PPP5C: variants seen among roughly 807,000 people sequenced by gnomAD.
PPP5C encodes serine/threonine-protein phosphatase 5.
Under a neutral mutation model 66.7 loss-of-function variants are expected in PPP5C, and 21 were observed. That is an observed-to-expected ratio of 0.31 (90% CI 0.22 to 0.45). PPP5C has a LOEUF of 0.45. Among genes scored for constraint, PPP5C ranks in the 20% least tolerant of loss-of-function variants. The pLI, the probability that PPP5C is intolerant of heterozygous loss-of-function variation, is 1.00. For synonymous variants in PPP5C, 246 were observed against 257.4 expected, an observed-to-expected ratio of 0.96 and a Z score of 0.43; for missense variants, 464 against 675.9, an observed-to-expected ratio of 0.69 and a Z score of 3.48.
At chr19:46,367,090 A>G (rs548744772) in intron 2 of PPP5C, among the ~76,000 whole-genome samples, 1 of 152,322 alleles carries the variant, frequency 6.6e-6, no homozygotes, top group African/African-American at 2.4e-5. Flanking sequence ...TATTTTTATC[A>G]GCAGGCTATA....
rs1334691407 is a variant in PPP5C at position 46,390,370 on chromosome 19, TCCCAGGGCCCCTCCAATCCCACCGGA to T, written c.*31_*56del. On this transcript the variant is annotated 3_prime_UTR_variant, in exon 13 of 13. Coordinates refer to ENST00000012443, the MANE Select transcript of PPP5C (RefSeq NM_006247.4). ...GAGGTGACGGGCGGGGCGGCCTGCA[TCCCAGGGCCCCTCCAATCCCACCGGA>T]CCCAGGCCCTGGGCTAGGGGCAGAG... The T allele has an allele frequency of 2.6e-6, 4 of 1,558,332 alleles. No individual in the cohort carries two copies. In the African/African-American group the frequency reaches 5.4e-5, roughly 21 times the overall value.
Position 46,390,341 on chromosome 19 carries a change from A to G in PPP5C, c.1495A>G (p.Met499Val). 6.3e-7 allele frequency: 1 copy of G among 1,576,200 alleles called. No individual in the cohort carries two copies. The highest frequency in any genetic ancestry group is 8.6e-7 in the Non-Finnish European group (1 of 1,160,968). The change falls in exon 13 of 13, where the codon ATG becomes GTG. Residue 499 changes from methionine to valine, a missense_variant. Met to Val is a conservative substitution (Grantham distance 21). Coordinates refer to ENST00000012443, the MANE Select transcript of PPP5C (RefSeq NM_006247.4). ...YANTLLQLGM[M>V] Reference sequence around the variant, plus strand: ...CAACACGCTGCTGCAGCTAGGAATGATGTGAGGTGACGGGCGGGGCGGCCT... The same window carrying G: ...CAACACGCTGCTGCAGCTAGGAATGGTGTGAGGTGACGGGCGGGGCGGCCT...
At position 46,388,277 on chromosome 19, in the gene PPP5C, G is replaced by A; in HGVS notation, c.1136-131G>A. 1 of 948,630 alleles carries A rather than the reference G, an allele frequency of 1.1e-6. No homozygotes were observed. The highest frequency in any genetic ancestry group is 1.8e-5 in the South Asian group (1 of 54,106). 58.8% of individuals were successfully genotyped at this position (948,630 alleles called of 1,614,324 possible). On this transcript the variant is annotated intron_variant, in intron 9 of 12. Transcript: ENST00000012443. The surrounding 1 kb of genome is among the most constrained non-coding windows in gnomAD (Gnocchi z 4.9). ...GTCCTGAATGTCCATGTCCATGCTGGATGTCCCCTGCCCAACACCCACCCA... is the reference window on the plus strand; with the variant it reads ...GTCCTGAATGTCCATGTCCATGCTGAATGTCCCCTGCCCAACACCCACCCA...
Position 46,375,656 on chromosome 19 carries a change from G to T in PPP5C, c.416G>T (p.Cys139Phe). 6.2e-7 allele frequency: 1 copy of T among 1,614,040 alleles called. No homozygotes were observed. Reference sequence around the variant, plus strand: ...GATGCCAAAATGAAATACCAGGAGTGCAACAAGATCGTGAAGCAGAAGGCC... The same window carrying T: ...GATGCCAAAATGAAATACCAGGAGTTCAACAAGATCGTGAAGCAGAAGGCC... ...DKDAKMKYQE[C>F]NKIVKQKAFE... Residue 139 changes from cysteine to phenylalanine, a missense_variant, in exon 3 of 13, where the codon TGC (cysteine) becomes TTC (phenylalanine). By Grantham distance (205) the Cys-to-Phe change is radical (BLOSUM62 -2). This residue lies in a region of PPP5C where 387 missense variants were observed against 626.0 expected (regional missense o/e 0.62). Coordinates refer to ENST00000012443, the MANE Select transcript of PPP5C (RefSeq NM_006247.4).
chr19:46,371,589 C>T (rs1156507979), intron 2 of PPP5C, among the ~76,000 whole-genome samples: 1 of 152,146 alleles, frequency 6.6e-6, no homozygotes, highest in African/African-American at 2.4e-5. Context: ...GCAGGGCAGG[C>T]GCAGCGGGTC....
At position 46,390,820 on chromosome 19, in the gene PPP5C, AAT is replaced by A. The variant is rs1210493093; in HGVS notation, c.*477_*478del. The A allele has an allele frequency of 1.8e-6, 2 of 1,124,850 alleles. No individual in the cohort carries two copies. Among genetic ancestry groups the A allele is most frequent in the Non-Finnish European group, 2.2e-6 (2 of 907,026 alleles). The allele number at this position is 1,124,850 out of a possible 1,614,324, so 69.7% of individuals were successfully genotyped here. On this transcript the variant is annotated 3_prime_UTR_variant, in exon 13 of 13. Transcript: ENST00000012443. ...CCCAGCTATTTTATGTCTGTAATTA[AAT>A]ATGTTAAAATAAAGTCATTATCGGA...
At chr19:46,362,400 C>G (rs1007205188) in intron 2 of PPP5C, among the ~76,000 whole-genome samples, 1 of 152,108 alleles carries the variant, frequency 6.6e-6, no homozygotes, top group Non-Finnish European at 1.5e-5. Flanking sequence ...TAGTTACTGT[C>G]TTAGCATCAT....
At chr19:46,352,037 T>C (rs1174362189) in intron 1 of PPP5C, among the ~76,000 whole-genome samples, 1 of 152,182 alleles carries the variant, frequency 6.6e-6, no homozygotes, top group Non-Finnish European at 1.5e-5. Context: ...TCCTCATCTC[T>C]CTCTGCATCC....
At chr19:46,363,510 A>G (rs1015303736) in intron 2 of PPP5C, among the ~76,000 whole-genome samples, 8 of 151,098 alleles carry the variant, frequency 5.3e-5, no homozygotes, top group Non-Finnish European at 1.0e-4. Context: ...GCTCACTGCA[A>G]TCTCTGCCTC....
At chr19:46,375,553 G>A (rs367913058) in intron 2 of PPP5C, 51 bp from the exon 3 acceptor site, 81 of 1,602,352 alleles carry the variant, frequency 5.1e-5, no homozygotes, top group African/African-American at 4.3e-4. Flanking sequence ...GGGGGCAACC[G>A]CTGTGCCCCC....
At chr19:46,363,597 T>C (rs974863403) in intron 2 of PPP5C, among the ~76,000 whole-genome samples, 9 of 151,612 alleles carry the variant, frequency 5.9e-5, no homozygotes, top group Admixed American at 2.0e-4. Flanking sequence ...TCCACCTAAT[T>C]TTTTCATACT....
chr19:46,354,044 T>C (rs1972240701), intron 2 of PPP5C, 55 bp downstream of exon 2: 2 of 1,589,282 alleles, frequency 1.3e-6, no homozygotes, highest in African/African-American at 1.3e-5. Context: ...TACTGAGGGC[T>C]GGGCTGGCGG....
At position 46,376,260 on chromosome 19, in the gene PPP5C, T is replaced by C. The variant is rs1057377918; in HGVS notation, c.512-193T>C. 2.6e-5 allele frequency among the ~76,000 whole-genome samples: 4 copies of C among 151,754 alleles called. No individual in the cohort carries two copies. The highest frequency in any genetic ancestry group is 9.7e-5 in the African/African-American group (4 of 41,282). On this transcript the variant is annotated intron_variant, in intron 3 of 12. Coordinates refer to ENST00000012443, the MANE Select transcript of PPP5C (RefSeq NM_006247.4). This position sits in a 1 kb window ranked among gnomAD's most constrained non-coding sequence, Gnocchi z 5.1. ...ACTGAATAGAGTAAAGGGGGGTGGG[T>C]GAAGGAAGACAGGGAGGTCAGGAAG...
At chr19:46,389,367 ACACACACACACACACACACACAC>A (rs1568579817) in intron 11 of PPP5C, among the ~76,000 whole-genome samples, 48 of 2,174 alleles carry the variant, frequency 0.022, 1 homozygote, top group Admixed American at 0.037. Flanking sequence ...CTCAAAACAC[ACACACACACACACACACACACAC>A]ACACACACAC....
At chr19:46,354,300 G>A (rs916625365) in intron 2 of PPP5C, among the ~76,000 whole-genome samples, 8 of 152,022 alleles carry the variant, frequency 5.3e-5, no homozygotes, top group African/African-American at 1.7e-4. Context: ...CCTTTCACAC[G>A]AGTAGACCAG....
rs1601448600 is a variant in PPP5C at position 46,388,878 on chromosome 19, A to C, written c.1355+147A>C. On this transcript the variant is annotated intron_variant, in intron 11 of 12. Transcript: ENST00000012443. The surrounding 1 kb of genome is among the most constrained non-coding windows in gnomAD (Gnocchi z 4.9). ...ACGAACACCCCCGTATGTGTCACCC[A>C]CCCATGCAGCACCAGTGGGGCCAGC... The C allele has an allele frequency of 3.9e-6, 4 of 1,018,150 alleles. No individual in the cohort carries two copies. Among genetic ancestry groups the C allele is most frequent in the East Asian group, 2.6e-5 (1 of 38,606 alleles). The allele number at this position is 1,018,150 out of a possible 1,614,324, so 63.1% of individuals were successfully genotyped here.
chr19:46,373,280 C>T (rs1322753801), intron 2 of PPP5C, among the ~76,000 whole-genome samples: 1 of 152,188 alleles, frequency 6.6e-6, no homozygotes, highest in African/African-American at 2.4e-5. Flanking sequence ...AAATCAGGAG[C>T]CTGGGCTTTG....
Position 46,383,531 on chromosome 19 carries a change from G to A in PPP5C, c.699+55G>A. On this transcript the variant is annotated intron_variant, in intron 5 of 12. Coordinates refer to ENST00000012443, the MANE Select transcript of PPP5C (RefSeq NM_006247.4). This position sits in a 1 kb window ranked among gnomAD's most constrained non-coding sequence, Gnocchi z 5.0. Reference sequence around the variant, plus strand: ...CCAGCGGGGGTGGGCTCTCTGGCTGGGGAGGGGCCACAGAGCTCAGGAACT... The same window carrying A: ...CCAGCGGGGGTGGGCTCTCTGGCTGAGGAGGGGCCACAGAGCTCAGGAACT... 2 of 1,498,608 alleles carry A rather than the reference G, an allele frequency of 1.3e-6. No individual in the cohort carries two copies. The highest frequency in any genetic ancestry group is 1.2e-5 in the South Asian group (1 of 81,132). The allele number at this position is 1,498,608 out of a possible 1,614,324, so 92.8% of individuals were successfully genotyped here.
At chr19:46,353,528 T>TGGGGGGGGG (rs1568564253) in intron 1 of PPP5C, among the ~76,000 whole-genome samples, 1 of 107,958 alleles carries the variant, frequency 9.3e-6, no homozygotes, top group Non-Finnish European at 2.0e-5. Context: ...GAGGGGTGGG[T>TGGGGGGGGG]GGGCGGGTGT....
Sources: gnomAD v4.1 joint callset for allele counts (sites outside exome capture counted in the v4.1 genomes callset) on GRCh38, gnomAD v4.1.1 for gene constraint, gnomAD v4.1.1 regional missense constraint, Gnocchi (gnomAD v3.1) non-coding constraint, MANE v1.5 for transcripts, NCBI Gene and HGNC (gene_info 2026-07-23, HGNC 2026-07-21) for gene names.